Variants in LRRC4C observed in about 807,000 individuals in gnomAD.
LRRC4C encodes the protein leucine rich repeat containing 4C.
LRRC4C carries 5 observed loss-of-function variants against 33.6 expected under a neutral mutation model. The ratio of observed to expected loss-of-function variants is 0.15; its 90% CI spans 0.08 to 0.31. The LOEUF is 0.31. Among genes scored for constraint, LRRC4C ranks in the 10% least tolerant of loss-of-function variants. The pLI, the probability that LRRC4C is intolerant of heterozygous loss-of-function variation, is 1.00. For synonymous variants in LRRC4C, 329 were observed against 302.0 expected, an observed-to-expected ratio of 1.09 and a Z score of -0.93; for missense variants, 560 against 796.7, an observed-to-expected ratio of 0.70 and a Z score of 3.58.
intron 2 of LRRC4C, among the ~76,000 whole-genome samples, chr11:40,813,931 G>A (rs1951598165): frequency 6.6e-6 from 1 of 152,184 alleles, no homozygotes; most frequent in South Asian, 2.1e-4. Flanking sequence ...GCAAGAGGTG[G>A]TCACCCATGA....
At chr11:40,493,435 T>G (rs543341958) in intron 3 of LRRC4C, among the ~76,000 whole-genome samples, 1 of 152,088 alleles carries the variant, frequency 6.6e-6, no homozygotes, top group African/African-American at 2.4e-5. Flanking sequence ...ACAATCATAC[T>G]GTGTATTGGT....
At chr11:41,157,813 G>A (rs1944299702) in intron 1 of LRRC4C, among the ~76,000 whole-genome samples, 1 of 152,024 alleles carries the variant, frequency 6.6e-6, no homozygotes, top group Admixed American at 6.6e-5. Context: ...TTAATGAGAT[G>A]CTTTCATACA....
intron 2 of LRRC4C, among the ~76,000 whole-genome samples, chr11:40,780,632 A>C (rs1021706049): frequency 7.2e-5 from 11 of 152,196 alleles, no homozygotes; most frequent in Non-Finnish European, 7.3e-5. Context: ...ACAAAGGGTC[A>C]TCACCAAAGC....
At chr11:40,644,396 A>G (rs1942314676) in intron 3 of LRRC4C, among the ~76,000 whole-genome samples, 1 of 152,220 alleles carries the variant, frequency 6.6e-6, no homozygotes, top group South Asian at 2.1e-4. Context: ...CAACTACCAT[A>G]CAACCCAGCA....
intron 5 of LRRC4C, among the ~76,000 whole-genome samples, chr11:40,200,784 A>AAAAG (rs1554971910): frequency 8.9e-5 from 7 of 78,434 alleles, no homozygotes; most frequent in Non-Finnish European, 1.6e-4. Flanking sequence ...AAAAAAAAAA[A>AAAAG]AAAAGAAAAG....
chr11:40,264,797 C>T lies in LRRC4C; in HGVS notation c.-175-23199G>A, dbSNP rs1942128994. Among the ~76,000 whole-genome samples the T allele has an allele frequency of 4.6e-5, 7 of 152,158 alleles. No individual in the cohort carries two copies. The South Asian group carries it at 1.5e-3, about 32-fold the overall frequency. ...TACTGGAGAAGAATGGGGGCCCCTC[C>T]CACATCTTCTTCCAGACATCCAGAT... On this transcript the variant is annotated intron_variant, in intron 4 of 6. Transcript: ENST00000528697.
At chr11:41,352,625 T>C (rs1952021231) in intron 1 of LRRC4C, among the ~76,000 whole-genome samples, 1 of 152,018 alleles carries the variant, frequency 6.6e-6, no homozygotes, top group Admixed American at 6.6e-5. Context: ...AGCCATAAAG[T>C]AATTCTCAAA....
intron 1 of LRRC4C, among the ~76,000 whole-genome samples, chr11:41,149,804 TAAGAG>T (rs1943911630): frequency 2.0e-5 from 3 of 152,106 alleles, no homozygotes; most frequent in Admixed American, 1.3e-4. Flanking sequence ...AAACAGGAGT[TAAGAG>T]TAGTTGGAAA....
chr11:40,949,701 G>T (rs568957696), intron 1 of LRRC4C, among the ~76,000 whole-genome samples: 2 of 152,026 alleles, frequency 1.3e-5, no homozygotes, highest in African/African-American at 4.8e-5. Flanking sequence ...TGCCCTAAAA[G>T]AGCTCCTGAA....
chr11:40,438,921 T>A (rs1213350715), intron 3 of LRRC4C, among the ~76,000 whole-genome samples: 2 of 143,410 alleles, frequency 1.4e-5, no homozygotes, highest in South Asian at 4.5e-4. Flanking sequence ...ATTTATGAAT[T>A]GCTACTTTTT....
intron 1 of LRRC4C, among the ~76,000 whole-genome samples, chr11:41,371,652 A>T (rs1190565068): frequency 1.3e-5 from 2 of 152,232 alleles, no homozygotes; most frequent in Non-Finnish European, 2.9e-5. Flanking sequence ...CTCTTGAAAG[A>T]CAGTTCTTCT....
At chr11:40,843,352 C>T (rs760645243) in intron 2 of LRRC4C, among the ~76,000 whole-genome samples, 2 of 152,110 alleles carry the variant, frequency 1.3e-5, no homozygotes, top group Non-Finnish European at 2.9e-5. Context: ...TGAAAATCCC[C>T]GTCTTAGAAT....
In LRRC4C at chr11:40,834,907, G is replaced by GACACACACAC. The variant is rs778150169; in HGVS notation, c.-407+98727_-407+98728insGTGTGTGTGT. ...AGGCAGACAGACAGACAGACAGACAGACAGACACACACACACACACACACA... is the reference window on the plus strand; with the variant it reads ...AGGCAGACAGACAGACAGACAGACAGACACACACACACAGACACACACACACACACACACA... On this transcript the variant is annotated intron_variant, in intron 2 of 6. Transcript: ENST00000528697. Among the ~76,000 whole-genome samples the GACACACACAC allele has an allele frequency of 8.8e-3, 397 of 45,208 alleles. 4 individuals are homozygous for GACACACACAC. The highest frequency in any genetic ancestry group is 0.017 in the African/African-American group (353 of 20,290). The allele number at this position is 45,208 out of a possible 152,430, so 29.7% of individuals were successfully genotyped here.
chr11:40,990,233 A>T lies in LRRC4C; in HGVS notation c.-495-56510T>A, dbSNP rs1340848622. 3.5e-4 allele frequency among the ~76,000 whole-genome samples: 9 copies of T among 25,590 alleles called. No individual in the cohort carries two copies. The East Asian group carries it at 4.3e-3, about 12-fold the overall frequency. The allele number at this position is 25,590 out of a possible 152,430, so 16.8% of individuals were successfully genotyped here. A position where few individuals can be genotyped will look rare whatever the true frequency, so the allele number is the denominator to read the frequency against. ...ATATTTGAATAGTATGTCAAGTTTT[A>T]TATATATATATATATATATATATAT... On this transcript the variant is annotated intron_variant, in intron 1 of 6. Coordinates refer to ENST00000528697, the MANE Select transcript of LRRC4C (RefSeq NM_001258419.2).
chr11:40,430,367 G>T (rs970146341), intron 3 of LRRC4C, among the ~76,000 whole-genome samples: 9 of 152,090 alleles, frequency 5.9e-5, no homozygotes, highest in African/African-American at 2.2e-4. Context: ...GATTATTCAT[G>T]TCCTAGAAGA....
chr11:40,407,234 G>T (rs1481884482), intron 3 of LRRC4C, among the ~76,000 whole-genome samples: 1 of 152,046 alleles, frequency 6.6e-6, no homozygotes, highest in African/African-American at 2.4e-5. Flanking sequence ...AAATGTTCAG[G>T]CCATGTGGAT....
At chr11:41,274,867 G>A (rs1046311223) in intron 1 of LRRC4C, among the ~76,000 whole-genome samples, 15 of 152,054 alleles carry the variant, frequency 9.9e-5, no homozygotes, top group African/African-American at 1.7e-4. Flanking sequence ...AACAAACTCC[G>A]GACACAATAT....
intron 1 of LRRC4C, among the ~76,000 whole-genome samples, chr11:40,944,752 C>T (rs1452987836): frequency 1.3e-5 from 2 of 152,172 alleles, no homozygotes; most frequent in Non-Finnish European, 1.5e-5. Flanking sequence ...GGCAATTTTG[C>T]ATGGTCTTAG....
At chr11:41,061,208 G>A (rs1937741037) in intron 1 of LRRC4C, among the ~76,000 whole-genome samples, 1 of 152,166 alleles carries the variant, frequency 6.6e-6, no homozygotes, top group African/African-American at 2.4e-5. Flanking sequence ...GAAGGGGAAG[G>A]AGTGGAGATG....
Sources: allele counts gnomAD v4.1 joint callset (sites outside exome capture counted in the v4.1 genomes callset), GRCh38; gene constraint gnomAD v4.1.1; transcripts MANE v1.5; gene names NCBI Gene and HGNC (gene_info 2026-07-23, HGNC 2026-07-21).